The following SYT7 variants were observed in gnomAD, a reference collection of about 807,000 sequenced individuals.
SYT7 encodes the protein synaptotagmin-7.
SYT7 carries 29 observed loss-of-function variants against 75.1 expected under a neutral mutation model. The ratio of observed to expected loss-of-function variants is 0.39; its 90% confidence interval spans 0.29 to 0.53. The LOEUF is 0.53. Among genes scored for constraint, SYT7 ranks in the 20% least tolerant of loss-of-function variants. The pLI is 0.77. For synonymous variants in SYT7, 376 were observed against 401.7 expected (o/e 0.94, Z 0.76); for missense variants, 693 against 953.2 (o/e 0.73, Z 3.59).
chr11:61,542,060 G>T lies in SYT7; in HGVS notation c.941+151C>A. On this transcript the variant is annotated intron_variant, in intron 6 of 12. Coordinates refer to ENST00000539008, the MANE Select transcript of SYT7 (RefSeq NM_001365809.2). This position sits in a 1 kb window ranked among gnomAD's most constrained non-coding sequence, Gnocchi z 7.8. Reference sequence around the variant, plus strand: ...GGCCTTCAGGCAGGAGCCACAAGAGGCTAAGGAGGGGGCTGCCAAGTCTGC... The same window carrying T: ...GGCCTTCAGGCAGGAGCCACAAGAGTCTAAGGAGGGGGCTGCCAAGTCTGC... The T allele has an allele frequency of 9.3e-7, 1 of 1,075,592 alleles. No individual in the cohort carries two copies. Among genetic ancestry groups the T allele is most frequent in the Non-Finnish European group, 1.3e-6 (1 of 779,518 alleles). The allele number at this position is 1,075,592 out of a possible 1,614,324, so 66.6% of individuals were successfully genotyped here.
chr11:61,573,924 C>T (rs1399094446), intron 1 of SYT7, among the ~76,000 whole-genome samples: 1 of 152,258 alleles, frequency 6.6e-6, no homozygotes, highest in Non-Finnish European at 1.5e-5. Context: ...ACTGCAAGTT[C>T]GCACTTCCCA....
In SYT7 at chr11:61,556,106, G is replaced by A. The variant is rs369609753; in HGVS notation, c.133C>T (p.Leu45=). The change falls in exon 2 of 13, where the codon CTG becomes TTG. Residue 45 remains leucine (L), a splice_region_variant and synonymous_variant. Transcript: ENST00000539008. ...CGLCHWCQRK[L]GKRYKNSLET... ...CAAGGGGCCCTCAGGAGCCTCACCAGTTTGCGCTGACACCAGTGGCAGAGG... is the reference window on the plus strand; with the variant it reads ...CAAGGGGCCCTCAGGAGCCTCACCAATTTGCGCTGACACCAGTGGCAGAGG... 5.6e-6 allele frequency: 9 copies of A among 1,613,562 alleles called. No homozygotes were observed. Among genetic ancestry groups the A allele is most frequent in the Non-Finnish European group, 7.6e-6 (9 of 1,179,790 alleles).
chr11:61,550,972 A>G (rs1394837572), intron 3 of SYT7, among the ~76,000 whole-genome samples: 1 of 152,074 alleles, frequency 6.6e-6, no homozygotes, highest in Non-Finnish European at 1.5e-5. Flanking sequence ...AGGATCTGAG[A>G]AAAGAAGCTG....
At position 61,553,806 on chromosome 11, in the gene SYT7, T is replaced by G. The variant is rs2063417756; in HGVS notation, c.135+2298A>C. ...GTTATTAATGTTTGGAAATGGGATC[T>G]GGGCTGTCAGGGTATCACGTCACTG... On this transcript the variant is annotated intron_variant, in intron 2 of 12. Transcript: ENST00000539008. The surrounding 1 kb of genome is among the most constrained non-coding windows in gnomAD (Gnocchi z 5.2). 6.6e-6 allele frequency among the ~76,000 whole-genome samples: 1 copy of G among 152,116 alleles called. No homozygotes were observed. Among genetic ancestry groups the G allele is most frequent in the South Asian group, 2.1e-4 (1 of 4,826 alleles).
intron 1 of SYT7, among the ~76,000 whole-genome samples, chr11:61,577,351 C>G (rs557737829): frequency 6.6e-6 from 1 of 152,328 alleles, no homozygotes; most frequent in Admixed American, 6.5e-5. Flanking sequence ...CAGGGAGGCC[C>G]GGGCATGTGC....
chr11:61,556,756 C>T (rs2063511196), intron 1 of SYT7, among the ~76,000 whole-genome samples: 1 of 152,220 alleles, frequency 6.6e-6, no homozygotes, highest in African/African-American at 2.4e-5. Flanking sequence ...TCCCAAGACT[C>T]ACCAGCCATA....
intron 9 of SYT7, 115 bp downstream of exon 9, chr11:61,527,799 GC>G: frequency 8.0e-7 from 1 of 1,244,958 alleles, no homozygotes; most frequent in Non-Finnish European, 1.1e-6. Flanking sequence ...GCATTTGTGG[GC>G]CTGCAGGTGT....
At chr11:61,528,915 C>A (rs2062615369) in intron 8 of SYT7, among the ~76,000 whole-genome samples, 1 of 152,078 alleles carries the variant, frequency 6.6e-6, no homozygotes, top group African/African-American at 2.4e-5. Context: ...GGAGGGAGGG[C>A]GCATGGCCTG....
rs1240407036 is a variant in SYT7, at chr11:61,576,874, C to T, written c.31+3916G>A. Among the ~76,000 whole-genome samples, 1 of 152,136 alleles carries T rather than the reference C, an allele frequency of 6.6e-6. No individual in the cohort carries two copies. Among genetic ancestry groups the T allele is most frequent in the African/African-American group, 2.4e-5 (1 of 41,416 alleles). ...ATGTTGCCCTCAATGCCCCTTAAGC[C>T]TGAGCTTGGGGTCAGCCAGGAGCAG... On this transcript the variant is annotated intron_variant, in intron 1 of 12. Coordinates refer to ENST00000539008, the MANE Select transcript of SYT7 (RefSeq NM_001365809.2). This position sits in a 1 kb window ranked among gnomAD's most constrained non-coding sequence, Gnocchi z 4.1.
chr11:61,574,138 T>C (rs76458577), intron 1 of SYT7, among the ~76,000 whole-genome samples: 10 of 152,348 alleles, frequency 6.6e-5, no homozygotes, highest in African/African-American at 2.4e-4. Context: ...CACACATCAA[T>C]TGCTTGGTAC....
chr11:61,582,012 C>T (rs2064286292), upstream of SYT7, among the ~76,000 whole-genome samples: 1 of 152,038 alleles, frequency 6.6e-6, no homozygotes, highest in Admixed American at 6.6e-5. Flanking sequence ...AAGAAAAACC[C>T]AGAAATGAAC....
At chr11:61,544,132 G>A (rs1431058970) in intron 5 of SYT7, among the ~76,000 whole-genome samples, 3 of 152,186 alleles carry the variant, frequency 2.0e-5, no homozygotes, top group Non-Finnish European at 4.4e-5. Context: ...GGCTTATAAA[G>A]CCTAAATATT....
intron 8 of SYT7, among the ~76,000 whole-genome samples, chr11:61,529,596 A>G (rs1457612886): frequency 6.6e-6 from 1 of 152,180 alleles, no homozygotes; most frequent in Admixed American, 6.5e-5. Flanking sequence ...AGACCCACAG[A>G]CACCGTGCCA....
At chr11:61,577,287 G>A (rs1041719641) in intron 1 of SYT7, among the ~76,000 whole-genome samples, 2 of 152,236 alleles carry the variant, frequency 1.3e-5, no homozygotes, top group Non-Finnish European at 2.9e-5. Context: ...CCTGGCCTGT[G>A]GGGAGATCAT....
At position 61,569,548 on chromosome 11, in the gene SYT7, C is replaced by T. The variant is rs553923451; in HGVS notation, c.31+11242G>A. 1.9e-3 allele frequency among the ~76,000 whole-genome samples: 285 copies of T among 152,080 alleles called. 1 individual carries two copies. The highest frequency in any genetic ancestry group is 3.3e-3 in the Non-Finnish European group (222 of 67,982). On this transcript the variant is annotated intron_variant, in intron 1 of 12. Coordinates refer to ENST00000539008, the MANE Select transcript of SYT7 (RefSeq NM_001365809.2). ...AGGAGCCAGAAAAACAGGGACACATCGCAGGAAGAAAGGAGGAATCTCAGG... is the reference window on the plus strand; with the variant it reads ...AGGAGCCAGAAAAACAGGGACACATTGCAGGAAGAAAGGAGGAATCTCAGG...
chr11:61,541,094 C>T (rs1045690115), intron 6 of SYT7: 1 of 985,498 alleles, frequency 1.0e-6, no homozygotes, highest in Middle Eastern at 5.2e-4. Context: ...GGCAGTGCTC[C>T]CATCTGCCCG....
chr11:61,564,422 T>G (rs2063714347), intron 1 of SYT7, among the ~76,000 whole-genome samples: 1 of 152,194 alleles, frequency 6.6e-6, no homozygotes, highest in Admixed American at 6.5e-5. Flanking sequence ...CAGTAACGAA[T>G]GTATGCTTGG....
At chr11:61,578,422 T>C (rs1304780605) in intron 1 of SYT7, among the ~76,000 whole-genome samples, 2 of 150,558 alleles carry the variant, frequency 1.3e-5, no homozygotes, top group Admixed American at 1.3e-4. Flanking sequence ...GATGAGAGGA[T>C]CAGGATATAA....
Position 61,516,973 on chromosome 11 carries a change from C to T in SYT7, c.*1654G>A, listed in dbSNP as rs1471712300. ...TCGAAGGAAAATGGTTCCCAAATGCCAATGGTCTCCCCACGCCCTGGATGT... is the reference window on the plus strand; with the variant it reads ...TCGAAGGAAAATGGTTCCCAAATGCTAATGGTCTCCCCACGCCCTGGATGT... On this transcript the variant is annotated 3_prime_UTR_variant, in exon 13 of 13. Transcript: ENST00000539008. This position sits in a 1 kb window ranked among gnomAD's most constrained non-coding sequence, Gnocchi z 4.6. 2.2e-5 allele frequency: 7 copies of T among 322,404 alleles called. No individual in the cohort carries two copies. The highest frequency in any genetic ancestry group is 3.4e-5 in the Non-Finnish European group (6 of 178,442). 20.0% of individuals were successfully genotyped at this position (322,404 alleles called of 1,614,324 possible).
Sources: allele counts gnomAD v4.1 joint callset (sites outside exome capture counted in the v4.1 genomes callset), GRCh38; gene constraint gnomAD v4.1.1; non-coding constraint Gnocchi (gnomAD v3.1); transcripts MANE v1.5; gene names NCBI Gene and HGNC (gene_info 2026-07-23, HGNC 2026-07-21).